TRHDE: variants seen among roughly 807,000 people sequenced by gnomAD.
The protein encoded by TRHDE is thyrotropin-releasing hormone-degrading ectoenzyme.
TRHDE carries 72 observed loss-of-function variants against 125.7 expected under a neutral mutation model. That is an observed-to-expected ratio of 0.57 (90% CI 0.47 to 0.70). The LOEUF (loss-of-function observed/expected upper bound fraction) is 0.70. TRHDE is among the 30% of genes least tolerant of loss of function. The probability of loss-of-function intolerance (pLI) is 0.00; values close to 1 mark genes in which losing one functional copy is unlikely to be tolerated. For missense variants in TRHDE, 1,110 were observed against 1,327.1 expected, an observed-to-expected ratio of 0.84 and a Z score of 2.54; for synonymous variants, 509 against 509.1, an observed-to-expected ratio of 1.00 and a Z score of 0.00.
intron 17 of TRHDE, 42 bp from the exon 18 acceptor site, chr12:72,656,885 T>C: frequency 7.6e-7 from 1 of 1,323,006 alleles, no homozygotes; most frequent in Non-Finnish European, 1.1e-6. Flanking sequence ...TTTTTTAAAA[T>C]TATGACCTGC....
chr12:72,260,370 T>C (rs1878921818), intron 2 of TRHDE, among the ~76,000 whole-genome samples: 1 of 151,894 alleles, frequency 6.6e-6, no homozygotes, highest in Non-Finnish European at 1.5e-5. Flanking sequence ...TTTTGGTAGG[T>C]AATCCTCTCT....
At chr12:72,374,422 A>C (rs984512808) in intron 2 of TRHDE, among the ~76,000 whole-genome samples, 1 of 151,640 alleles carries the variant, frequency 6.6e-6, no homozygotes, top group East Asian at 1.9e-4. Context: ...TGAATTCATG[A>C]GTCTGGAAGT....
chr12:72,313,125 A>C (rs1458149891), intron 2 of TRHDE, among the ~76,000 whole-genome samples: 2 of 152,104 alleles, frequency 1.3e-5, no homozygotes, highest in Non-Finnish European at 2.9e-5. Context: ...GGCAATATTT[A>C]TAGTCTCAAA....
chr12:72,520,488 C>T (rs921765261), intron 6 of TRHDE, among the ~76,000 whole-genome samples: 1 of 152,150 alleles, frequency 6.6e-6, no homozygotes, highest in Non-Finnish European at 1.5e-5. Flanking sequence ...CAATGCCTCG[C>T]CCTGCTTCTG....
chr12:72,372,375 C>T (rs1333592403), intron 2 of TRHDE, among the ~76,000 whole-genome samples: 1 of 152,006 alleles, frequency 6.6e-6, no homozygotes, highest in Non-Finnish European at 1.5e-5. Flanking sequence ...CTTTTGTGTG[C>T]AGAAGCTCTT....
chr12:72,443,288 C>T (rs556289738), intron 3 of TRHDE, among the ~76,000 whole-genome samples: 2 of 150,024 alleles, frequency 1.3e-5, no homozygotes, highest in South Asian at 4.2e-4. Context: ...TTGTTCATAA[C>T]TTCTTTATCT....
rs1019596885 is a variant in TRHDE, at chr12:72,250,587, C to A, written n.280-127408C>A. On this transcript the variant is annotated intron_variant and non_coding_transcript_variant, in intron 2 of 4. Transcript: ENST00000548156. Reference sequence around the variant, plus strand: ...ATAGTCAAAAGGCAACTTAAAAAATCTTTCTATTAAGTTGCAAACAGACTC... The same window carrying A: ...ATAGTCAAAAGGCAACTTAAAAAATATTTCTATTAAGTTGCAAACAGACTC... 4.0e-5 allele frequency among the ~76,000 whole-genome samples: 6 copies of A among 151,896 alleles called. No individual in the cohort carries two copies. In the East Asian group the frequency reaches 1.2e-3, roughly 29 times the overall value.
At chr12:72,426,980 C>T (rs1404795392) in intron 3 of TRHDE, among the ~76,000 whole-genome samples, 2 of 152,040 alleles carry the variant, frequency 1.3e-5, no homozygotes, top group Non-Finnish European at 1.5e-5. Context: ...TCCTGACCCT[C>T]GGATGGCCCA....
At chr12:72,131,274 G>A (rs1875858212) in intron 2 of TRHDE, among the ~76,000 whole-genome samples, 1 of 151,470 alleles carries the variant, frequency 6.6e-6, no homozygotes, top group Non-Finnish European at 1.5e-5. Flanking sequence ...GGGTTTCACC[G>A]TGTTCTCCAG....
chr12:72,615,704 G>A (rs1399789048), intron 12 of TRHDE, among the ~76,000 whole-genome samples: 2 of 152,020 alleles, frequency 1.3e-5, no homozygotes, highest in African/African-American at 2.4e-5. Flanking sequence ...TACTCTATTC[G>A]AGGTCTGCAT....
chr12:72,144,088 C>G (rs1156248893), intron 2 of TRHDE, among the ~76,000 whole-genome samples: 1 of 152,158 alleles, frequency 6.6e-6, no homozygotes, highest in Non-Finnish European at 1.5e-5. Flanking sequence ...AACTGTTCAC[C>G]TATGGCATCT....
At chr12:72,588,541 T>C (rs1225685719) in intron 12 of TRHDE, among the ~76,000 whole-genome samples, 1 of 151,852 alleles carries the variant, frequency 6.6e-6, no homozygotes, top group African/African-American at 2.4e-5. Context: ...TTTTTCAGAG[T>C]AAAAGGTAAA....
chr12:72,549,731 G>T (rs765806868), intron 7 of TRHDE, among the ~76,000 whole-genome samples: 4 of 151,626 alleles, frequency 2.6e-5, no homozygotes, highest in Non-Finnish European at 4.4e-5. Context: ...TTTGAGAAAA[G>T]ATTTGATGGA....
At chr12:72,376,920 T>C (rs376159330) in intron 2 of TRHDE, among the ~76,000 whole-genome samples, 20 of 152,200 alleles carry the variant, frequency 1.3e-4, no homozygotes, top group African/African-American at 4.8e-4. Flanking sequence ...CCCTTATCTG[T>C]AAAATGGGAT....
Position 72,220,013 on chromosome 12 carries a change from C to G in TRHDE, n.279+114261C>G, listed in dbSNP as rs531229262. 1.9e-4 allele frequency among the ~76,000 whole-genome samples: 29 copies of G among 152,202 alleles called. No homozygotes were observed. The East Asian group carries it at 5.4e-3, about 28-fold the overall frequency. ...ACAAATGAAAGAAGCATGGAGTAAG[C>G]CTTACAGGCATAAATAAAAAGTGGG... On this transcript the variant is annotated intron_variant and non_coding_transcript_variant, in intron 2 of 4. Coordinates refer to the TRHDE transcript ENST00000548156.
At chr12:72,280,295 G>A (rs1211897941) in intron 1 of TRHDE, among the ~76,000 whole-genome samples, 1 of 152,164 alleles carries the variant, frequency 6.6e-6, no homozygotes, top group Non-Finnish European at 1.5e-5. Flanking sequence ...TTAGAACAGT[G>A]TCTGATAATT....
chr12:72,614,685 TTG>T (rs766112556), intron 12 of TRHDE, among the ~76,000 whole-genome samples: 15 of 152,188 alleles, frequency 9.9e-5, no homozygotes, highest in Non-Finnish European at 2.2e-4. Flanking sequence ...AATCTGAGAA[TTG>T]TGTTTTATTT....
chr12:72,574,060 C>A (rs1870875661), intron 10 of TRHDE, among the ~76,000 whole-genome samples: 2 of 152,024 alleles, frequency 1.3e-5, no homozygotes. Flanking sequence ...TAGTTCACTT[C>A]ATTCCAGACC....
intron 2 of TRHDE, among the ~76,000 whole-genome samples, chr12:72,235,788 ACACTAG>A (rs11277544): frequency 0.27 from 41,024 of 151,770 alleles, 5,902 homozygotes; most frequent in African/African-American, 0.33. Context: ...AGCCCAAATT[ACACTAG>A]CGTATTTAAG....
Sources: allele counts gnomAD v4.1 joint callset (sites outside exome capture counted in the v4.1 genomes callset), GRCh38; gene constraint gnomAD v4.1.1; transcripts MANE v1.5; gene names NCBI Gene and HGNC (gene_info 2026-07-23, HGNC 2026-07-21).